PKD1L1: variants seen among roughly 807,000 people sequenced by gnomAD.
PKD1L1 encodes the protein polycystin 1 like 1, transient receptor potential channel interacting.
In PKD1L1, 236 loss-of-function variants were observed where a neutral mutation model predicts 323.4. That is an observed-to-expected ratio of 0.73 (90% CI 0.66 to 0.81). PKD1L1 has a LOEUF of 0.81. Among genes scored for constraint, PKD1L1 ranks in the 40% least tolerant of loss-of-function variants. PKD1L1 has a pLI of 0.00. For synonymous variants in PKD1L1, 1,344 were observed against 1,335.0 expected, an observed-to-expected ratio of 1.01 and a Z score of -0.15; for missense variants, 3,320 against 3,508.0, an observed-to-expected ratio of 0.95 and a Z score of 1.35.
At chr7:47,805,300 T>C (rs1484019933) in intron 52 of PKD1L1, among the ~76,000 whole-genome samples, 1 of 152,246 alleles carries the variant, frequency 6.6e-6, no homozygotes, top group African/African-American at 2.4e-5. Context: ...CATAGTTCTT[T>C]AATCCTGGGT....
intron 7 of PKD1L1, among the ~76,000 whole-genome samples, chr7:47,918,954 A>G (rs977538572): frequency 1.3e-5 from 2 of 152,204 alleles, no homozygotes; most frequent in African/African-American, 4.8e-5. Flanking sequence ...GTCACACCTC[A>G]AGGAACTAGA....
chr7:47,854,353 A>C (rs1409330697), intron 30 of PKD1L1, among the ~76,000 whole-genome samples: 1 of 152,094 alleles, frequency 6.6e-6, no homozygotes, highest in African/African-American at 2.4e-5. Context: ...ACCTCCAACG[A>C]ACTCTGCAGA....
chr7:47,931,967 G>A lies in PKD1L1; in HGVS notation c.488C>T (p.Thr163Ile). The A allele has an allele frequency of 6.2e-7, 1 of 1,613,862 alleles. No homozygotes were observed. Among genetic ancestry groups the A allele is most frequent in the Non-Finnish European group, 8.5e-7 (1 of 1,179,846 alleles). ...FHHRRLCATGTADSTFSALLQ... is the reference protein window; with the variant it reads ...FHHRRLCATGIADSTFSALLQ... ...AAGAGCAGAGAATGTGCTGTCTGCG[G>A]TCCCAGTAGCACACAGCCGCCTGTG... The change falls in exon 5 of 57, where the codon ACC becomes ATC. Residue 163 changes from threonine to isoleucine, a missense_variant. Transcript: ENST00000289672.
intron 24 of PKD1L1, among the ~76,000 whole-genome samples, chr7:47,870,597 C>T (rs6977363): frequency 0.32 from 49,151 of 152,030 alleles, 8,500 homozygotes; most frequent in African/African-American, 0.43. Flanking sequence ...GATACTGAAT[C>T]AGTCATTTCA....
intron 15 of PKD1L1, among the ~76,000 whole-genome samples, chr7:47,891,708 G>A (rs540334345): frequency 2.0e-5 from 3 of 152,198 alleles, no homozygotes; most frequent in Non-Finnish European, 4.4e-5. Flanking sequence ...GGTTTAGCTG[G>A]AATATTCTAT....
chr7:47,901,327 CAA>C (rs71699736), intron 13 of PKD1L1, among the ~76,000 whole-genome samples: 6,279 of 62,334 alleles, frequency 0.1, 269 homozygotes, highest in African/African-American at 0.29. Flanking sequence ...AACAGAGTCT[CAA>C]AAAAAAAAAA....
At position 47,865,231 on chromosome 7, in the gene PKD1L1, C is replaced by T; in HGVS notation, c.4134G>A (p.Val1378=). The part of the protein sequence containing the change: ...IGSVLMLRDL[V]SFSNKLGFMS... ...TTGCACTTACCTTATTAGAGAAGCT[C>T]ACGAGGTCCCTCAACATAAGAACAG... Residue 1378 remains valine (V), a synonymous_variant, in exon 26 of 57, where the codon GTG becomes GTA. Coordinates refer to ENST00000289672, the MANE Select transcript of PKD1L1 (RefSeq NM_138295.5). 6.2e-7 allele frequency: 1 copy of T among 1,613,282 alleles called. No homozygotes were observed. The highest frequency in any genetic ancestry group is 8.5e-7 in the Non-Finnish European group (1 of 1,179,684).
rs919699092 is a variant in PKD1L1, at chr7:47,898,016, T to G, written c.2243A>C (p.Glu748Ala). 8.7e-6 allele frequency: 14 copies of G among 1,612,698 alleles called. No homozygotes were observed. Among genetic ancestry groups the G allele is most frequent in the Non-Finnish European group, 1.2e-5 (14 of 1,179,896 alleles). ...QTLILPSHTLEYGNYTALAKV... is the reference protein window; with the variant it reads ...QTLILPSHTLAYGNYTALAKV... ...GGCAAGGGCAGTGTAGTTCCCATACTCCAAGGTGTGGCTCGGGAGGATGAG... is the reference window on the plus strand; with the variant it reads ...GGCAAGGGCAGTGTAGTTCCCATACGCCAAGGTGTGGCTCGGGAGGATGAG... The change falls in exon 14 of 57, where the codon GAG (glutamate) becomes GCG (alanine). Residue 748 changes from glutamate to alanine, a missense_variant. By Grantham distance (107) the Glu-to-Ala change is moderately radical. Transcript: ENST00000289672.
chr7:47,884,917 A>G (rs79988081), intron 18 of PKD1L1, among the ~76,000 whole-genome samples: 6,977 of 152,232 alleles, frequency 0.046, 381 homozygotes, highest in African/African-American at 0.14. Context: ...ATAACCCAGC[A>G]AGTAAGTTGA....
chr7:47,893,520 T>A (rs1786868551), intron 15 of PKD1L1, among the ~76,000 whole-genome samples: 1 of 152,018 alleles, frequency 6.6e-6, no homozygotes, highest in Non-Finnish European at 1.5e-5. Context: ...AGGGCTGAAC[T>A]GGGGGCAGCC....
At chr7:47,803,169 G>GT in intron 53 of PKD1L1, 41 bp downstream of exon 53, 2 of 1,612,210 alleles carry the variant, frequency 1.2e-6, no homozygotes. Flanking sequence ...CAGATCAATG[G>GT]TTTACAAGGG....
intron 47 of PKD1L1, among the ~76,000 whole-genome samples, chr7:47,815,001 A>G (rs1271315344): frequency 6.6e-6 from 1 of 152,104 alleles, no homozygotes; most frequent in African/African-American, 2.4e-5. Flanking sequence ...TGCACACGGA[A>G]CTAGAATCTT....
chr7:47,776,905 T>A (rs187692486), intron 56 of PKD1L1, among the ~76,000 whole-genome samples: 214 of 152,240 alleles, frequency 1.4e-3, no homozygotes, highest in East Asian at 0.013. Flanking sequence ...TTATTTATTT[T>A]TTTTGAGAAG....
chr7:47,918,831 G>T (rs1787480944), intron 7 of PKD1L1, among the ~76,000 whole-genome samples: 1 of 152,108 alleles, frequency 6.6e-6, no homozygotes. Flanking sequence ...CCACAATAGT[G>T]ACACAACGTA....
intron 56 of PKD1L1, among the ~76,000 whole-genome samples, chr7:47,776,346 T>C (rs1786568393): frequency 6.6e-6 from 1 of 152,190 alleles, no homozygotes; most frequent in Non-Finnish European, 1.5e-5. Flanking sequence ...CTGATACTAA[T>C]ATGAGATAAA....
chr7:47,788,745 G>A (rs1027434911), intron 56 of PKD1L1, among the ~76,000 whole-genome samples: 2 of 151,244 alleles, frequency 1.3e-5, no homozygotes, highest in Non-Finnish European at 2.9e-5. Flanking sequence ...ACAGGTGCCC[G>A]CCACCACACC....
chr7:47,786,085 A>T (rs1444141434), intron 56 of PKD1L1, among the ~76,000 whole-genome samples: 1 of 152,144 alleles, frequency 6.6e-6, no homozygotes, highest in Non-Finnish European at 1.5e-5. Context: ...TTTCTTCCTC[A>T]AGGATTCAAA....
chr7:47,899,110 C>T (rs972117771), intron 13 of PKD1L1, among the ~76,000 whole-genome samples: 20 of 152,136 alleles, frequency 1.3e-4, no homozygotes, highest in Non-Finnish European at 5.9e-5. Context: ...ACAGCAGAAG[C>T]TTCTCTTTCT....
chr7:47,936,346 C>A (rs1374262344), intron 4 of PKD1L1, among the ~76,000 whole-genome samples: 2 of 152,150 alleles, frequency 1.3e-5, no homozygotes, highest in African/African-American at 4.8e-5. Context: ...CAGCCCCTGG[C>A]AACCACCCCA....
Sources: gnomAD v4.1 joint callset for allele counts (sites outside exome capture counted in the v4.1 genomes callset) on GRCh38, gnomAD v4.1.1 for gene constraint, MANE v1.5 for transcripts, NCBI Gene and HGNC (gene_info 2026-07-23, HGNC 2026-07-21) for gene names.